XPO7: variants seen among roughly 807,000 people sequenced by gnomAD.
XPO7 encodes the protein exportin 7, also known as exportin-7.
XPO7 carries 21 observed loss-of-function variants against 144.3 expected under a neutral mutation model. That is an observed-to-expected ratio of 0.15 (90% CI 0.10 to 0.21). The LOEUF (loss-of-function observed/expected upper bound fraction) is 0.21. XPO7 is among the 10% of genes least tolerant of loss of function. The probability of loss-of-function intolerance (pLI) is 1.00; values close to 1 mark genes in which losing one functional copy is unlikely to be tolerated. For synonymous variants in XPO7, 580 were observed against 499.6 expected (o/e 1.16, Z -2.15); for missense variants, 808 against 1,325.8 (o/e 0.61, Z 6.06).
At chr8:21,971,282 G>T (rs184172014) in intron 4 of XPO7, among the ~76,000 whole-genome samples, 1 of 152,046 alleles carries the variant, frequency 6.6e-6, no homozygotes, top group Non-Finnish European at 1.5e-5. Flanking sequence ...AGAACGTGTC[G>T]CCATCATTCA....
At chr8:21,957,432 T>A (rs1811572640) in intron 1 of XPO7, among the ~76,000 whole-genome samples, 1 of 152,206 alleles carries the variant, frequency 6.6e-6, no homozygotes, top group Non-Finnish European at 1.5e-5. Context: ...TCAGCTTTTC[T>A]CACTGCTGGC....
rs564659087 is a variant in XPO7 at position 21,958,539 on chromosome 8, A to C, written c.19-8318A>C. Among the ~76,000 whole-genome samples the C allele has an allele frequency of 2.6e-5, 4 of 152,238 alleles. No homozygotes were observed. The East Asian group carries it at 7.7e-4, about 29-fold the overall frequency. ...CCTTAGGAACTCGACATAGCACTTC[A>C]GCACTCTGTGGGCCATGTTAAGCAG... On this transcript the variant is annotated intron_variant, in intron 1 of 27. Transcript: ENST00000252512.
chr8:21,930,770 TTA>T (rs1410625068), intron 1 of XPO7, among the ~76,000 whole-genome samples: 7 of 152,254 alleles, frequency 4.6e-5, no homozygotes, highest in Non-Finnish European at 8.8e-5. Flanking sequence ...AGGAAGTTGA[TTA>T]TCTGTTATCA....
At chr8:21,924,322 T>C (rs1438487836) in intron 1 of XPO7, among the ~76,000 whole-genome samples, 2 of 152,192 alleles carry the variant, frequency 1.3e-5, no homozygotes, top group Non-Finnish European at 2.9e-5. Flanking sequence ...AGAAATCATA[T>C]GTGTTCAGCT....
At chr8:21,921,169 A>G (rs1302912007) in intron 1 of XPO7, among the ~76,000 whole-genome samples, 1 of 152,244 alleles carries the variant, frequency 6.6e-6, no homozygotes, top group African/African-American at 2.4e-5. Flanking sequence ...ATAATAGTAT[A>G]GCACCTTGCG....
At position 21,929,992 on chromosome 8, in the gene XPO7, A is replaced by G. The variant is rs1473809222; in HGVS notation, c.18+10204A>G. 2.6e-5 allele frequency among the ~76,000 whole-genome samples: 4 copies of G among 152,236 alleles called. No homozygotes were observed. In the East Asian group the frequency reaches 5.8e-4, roughly 22 times the overall value. On this transcript the variant is annotated intron_variant, in intron 1 of 27. Transcript: ENST00000252512. ...AATATCTCCCTAATCCATCCTAGAA[A>G]TAAATGTTTTGCTGAAGTAGGAATC...
rs1162410442 is a variant in XPO7 at position 21,990,937 on chromosome 8, A to AGTGGCTC, written c.2041+19_2041+25dup. On this transcript the variant is annotated intron_variant, in intron 18 of 27. Transcript: ENST00000252512. ...GGATTTAGGTACCGTAAGAAATCGTAGTGGCTCATGAAGTCATCTGGCACT... is the reference window on the plus strand; with the variant it reads ...GGATTTAGGTACCGTAAGAAATCGTAGTGGCTCGTGGCTCATGAAGTCATCTGGCACT... 5 of 1,609,910 alleles carry AGTGGCTC rather than the reference A, an allele frequency of 3.1e-6. No homozygotes were observed. The highest frequency in any genetic ancestry group is 4.3e-6 in the Non-Finnish European group (5 of 1,176,210).
chr8:21,966,247 G>T (rs1201932573), intron 1 of XPO7: 5 of 776,208 alleles, frequency 6.4e-6, no homozygotes, highest in South Asian at 5.5e-5. Flanking sequence ...TGGAACCAAA[G>T]TAAGAGTTTA....
intron 25 of XPO7, 112 bp from the exon 26 acceptor site, chr8:22,003,107 C>A: frequency 1.5e-6 from 1 of 649,794 alleles, no homozygotes; most frequent in Non-Finnish European, 2.6e-6. Context: ...TCTGATTTAC[C>A]CTATACAGAA....
chr8:21,974,237 G>T (rs1812157499), intron 5 of XPO7, among the ~76,000 whole-genome samples: 1 of 151,386 alleles, frequency 6.6e-6, no homozygotes, highest in Non-Finnish European at 1.5e-5. Context: ...GTGGTGGGGG[G>T]TCTCACTGTG....
rs768898048 is a variant in XPO7, at chr8:21,980,169, T to C, written c.923T>C (p.Val308Ala). The stretch of plus-strand genomic sequence containing the variant: ...AGGGCCAAGTTTCTCTCTCATCTTG[T>C]TGATGGTGTTAAACGAATACTGGAA... Reference protein sequence around the residue: ...AERAKFLSHLVDGVKRILENP... With the variant: ...AERAKFLSHLADGVKRILENP... The change falls in exon 9 of 28, where the codon GTT (valine) becomes GCT (alanine). Residue 308 changes from valine (V) to alanine (A), a missense_variant. Val to Ala is a moderately conservative substitution (Grantham distance 64, BLOSUM62 0). Around this residue, in one of 5 missense-constraint regions of XPO7, gnomAD observed 223 missense variants for 368.8 expected, o/e 0.60. Coordinates refer to ENST00000252512, the MANE Select transcript of XPO7 (RefSeq NM_015024.5). 6.2e-6 allele frequency: 10 copies of C among 1,602,448 alleles called. No individual in the cohort carries two copies. The highest frequency in any genetic ancestry group is 7.7e-6 in the Non-Finnish European group (9 of 1,173,804).
At chr8:21,982,525 G>A in intron 10 of XPO7, 115 bp from the exon 11 acceptor site, 2 of 1,240,266 alleles carry the variant, frequency 1.6e-6, no homozygotes, top group Non-Finnish European at 2.2e-6. Context: ...GCCCACAAAA[G>A]TCTATCCTCT....
chr8:21,979,816 C>G (rs573687879), intron 8 of XPO7, among the ~76,000 whole-genome samples: 1 of 151,942 alleles, frequency 6.6e-6, no homozygotes, highest in Admixed American at 6.6e-5. Context: ...ATAAATTGCT[C>G]GATATTTTTA....
At chr8:21,951,724 T>C (rs1354386920) in intron 1 of XPO7, among the ~76,000 whole-genome samples, 3 of 152,230 alleles carry the variant, frequency 2.0e-5, no homozygotes, top group Non-Finnish European at 2.9e-5. Flanking sequence ...TCAACTGTTT[T>C]GTTATTGTCT....
At chr8:21,982,960 T>C (rs1812454616) in intron 11 of XPO7, 148 bp downstream of exon 11, 3 of 995,330 alleles carry the variant, frequency 3.0e-6, no homozygotes, top group Non-Finnish European at 4.3e-6. Flanking sequence ...GTCAGCAGAG[T>C]AGCATGAGAG....
Position 21,982,823 on chromosome 8 carries a change from T to C in XPO7, c.1277+11T>C, listed in dbSNP as rs747654378. The C allele has an allele frequency of 5.7e-6, 9 of 1,587,288 alleles. No homozygotes were observed. In the Admixed American group the frequency reaches 1.3e-4, roughly 23 times the overall value. Reference sequence around the variant, plus strand: ...GCACATCATACTGAGGTAAGGAAACTTAGCCTCATTCATTCCCGCACCAGT... The same window carrying C: ...GCACATCATACTGAGGTAAGGAAACCTAGCCTCATTCATTCCCGCACCAGT... On this transcript the variant is annotated intron_variant, in intron 11 of 27. Coordinates refer to ENST00000252512, the MANE Select transcript of XPO7 (RefSeq NM_015024.5).
rs1457612545 is a variant in XPO7, at chr8:21,919,707, C to T, written c.-64C>T. On this transcript the variant is annotated 5_prime_UTR_variant, in exon 1 of 28. Coordinates refer to ENST00000252512, the MANE Select transcript of XPO7 (RefSeq NM_015024.5). ...ACGGCGTCGGCGGCGGCGGCGGCAG[C>T]GGCTCCGGCCGAGGTGCGCGCTGGG... is the stretch of plus-strand genomic sequence containing the variant. 2.3e-5 allele frequency: 5 copies of T among 214,064 alleles called. No homozygotes were observed. Among genetic ancestry groups the T allele is most frequent in the South Asian group, 1.6e-4 (1 of 6,442 alleles). The allele number at this position is 214,064 out of a possible 1,614,324, so 13.3% of individuals were successfully genotyped here. A position where few individuals can be genotyped will look rare whatever the true frequency, so the allele number is the denominator to read the frequency against.
At position 21,991,464 on chromosome 8, in the gene XPO7, C is replaced by G. The variant is rs1468174013; in HGVS notation, c.2042-404C>G. Reference sequence around the variant, plus strand: ...AACCTTCTAGGTTTATGAGAGATGACTTTTTAAAAAATTAAGTGTGAATGA... The same window carrying G: ...AACCTTCTAGGTTTATGAGAGATGAGTTTTTAAAAAATTAAGTGTGAATGA... On this transcript the variant is annotated intron_variant, in intron 18 of 27. Transcript: ENST00000252512. Among the ~76,000 whole-genome samples, 3 of 152,186 alleles carry G rather than the reference C, an allele frequency of 2.0e-5. No individual in the cohort carries two copies. In the East Asian group the frequency reaches 5.8e-4, roughly 29 times the overall value.
At position 21,971,447 on chromosome 8, in the gene XPO7, T is replaced by C. The variant is rs942544803; in HGVS notation, c.427-429T>C. Among the ~76,000 whole-genome samples, 6 of 152,238 alleles carry C rather than the reference T, an allele frequency of 3.9e-5. No homozygotes were observed. The South Asian group carries it at 1.2e-3, about 32-fold the overall frequency. Reference sequence around the variant, plus strand: ...GAGTGAGACTGGATAAATTTTGATATGTTTATTTATTGCTTATATTTGTTT... The same window carrying C: ...GAGTGAGACTGGATAAATTTTGATACGTTTATTTATTGCTTATATTTGTTT... On this transcript the variant is annotated intron_variant, in intron 4 of 27. Transcript: ENST00000252512.
Sources: allele counts gnomAD v4.1 joint callset (sites outside exome capture counted in the v4.1 genomes callset), GRCh38; gene constraint gnomAD v4.1.1; regional missense constraint gnomAD v4.1.1; transcripts MANE v1.5; gene names NCBI Gene and HGNC (gene_info 2026-07-23, HGNC 2026-07-21).